Variants in ZNF500 observed in about 807,000 individuals in gnomAD.
ZNF500 encodes the protein zinc finger protein with KRAB and SCAN domains 18.
A neutral mutation model predicts 30.1 loss-of-function variants in ZNF500; 31 were observed. That is an observed-to-expected ratio of 1.03 (90% CI 0.77 to 1.39). ZNF500 has a LOEUF of 1.39. Among genes scored for constraint, ZNF500 ranks in the 40% most tolerant of loss-of-function variants. The pLI is 0.00. For synonymous variants in ZNF500, 392 were observed against 282.0 expected (o/e 1.39, Z -3.91); for missense variants, 817 against 657.8 (o/e 1.24, Z -2.65).
At chr16:4,744,939 A>T (rs754045501), downstream of ZNF500, 1 of 1,613,912 alleles carries the variant, frequency 6.2e-7, no homozygotes, top group African/African-American at 1.3e-5. Flanking sequence ...ACGCAGTCCA[A>T]GGCCTCTGCT....
At chr16:4,753,093 C>G (rs373019308) in intron 5 of ZNF500, 35 bp from the exon 6 acceptor site, 63 of 1,500,316 alleles carry the variant, frequency 4.2e-5, no homozygotes, top group East Asian at 1.4e-4. Context: ...TAGGAACTCA[C>G]AGCAAGAGGG....
In ZNF500 at chr16:4,760,522, C is replaced by A. The variant is rs369186490; in HGVS notation, c.730G>T (p.Ala244Ser). Residue 244 changes from alanine to serine, a missense_variant, in exon 5 of 6, where the codon GCT (alanine) becomes TCT (serine). Coordinates refer to ENST00000219478, the MANE Select transcript of ZNF500 (RefSeq NM_021646.4). The part of the protein sequence containing the change: ...SGEEPRCMDP[A>S]QRDAPLENEG... ...TTCTCCAGCGGCGCGTCCCGCTGAG[C>A]TGGGTCCATGCATCTTGGCTCCTCC... 1.2e-5 allele frequency: 19 copies of A among 1,613,736 alleles called. No homozygotes were observed. The highest frequency in any genetic ancestry group is 1.5e-5 in the Non-Finnish European group (18 of 1,179,872).
downstream of ZNF500, chr16:4,747,437 G>T: frequency 6.2e-7 from 1 of 1,613,108 alleles, no homozygotes; most frequent in African/African-American, 1.3e-5. Flanking sequence ...GGGGCCCGCG[G>T]GTGGGAGGGC....
chr16:4,764,958 G>A (rs2082247808), intron 2 of ZNF500, among the ~76,000 whole-genome samples: 2 of 152,130 alleles, frequency 1.3e-5, no homozygotes, highest in South Asian at 2.1e-4. Context: ...CACTTTGGGG[G>A]TAGTTTCAAC....
chr16:4,766,071 A>C lies in ZNF500; in HGVS notation c.-93T>G. On this transcript the variant is annotated 5_prime_UTR_variant, in exon 2 of 6. Transcript: ENST00000219478. ...CAGACACAGGAAGAGAGTTTTTTTC[A>C]GGGCCCTGTGGAGAGACGATAAAAC... is the stretch of plus-strand genomic sequence containing the variant. The C allele has an allele frequency of 7.0e-7, 1 of 1,434,134 alleles. No individual in the cohort carries two copies. Among genetic ancestry groups the C allele is most frequent in the Non-Finnish European group, 9.2e-7 (1 of 1,082,632 alleles). 88.8% of individuals were successfully genotyped at this position (1,434,134 alleles called of 1,614,324 possible).
At chr16:4,763,323 CG>C (rs2082228180) in intron 2 of ZNF500, among the ~76,000 whole-genome samples, 2 of 150,564 alleles carry the variant, frequency 1.3e-5, no homozygotes, top group African/African-American at 4.9e-5. Flanking sequence ...CGCTTGAACT[CG>C]GGAAGTACAG....
chr16:4,760,902 C>T (rs1416627861), intron 4 of ZNF500, among the ~76,000 whole-genome samples: 1 of 152,120 alleles, frequency 6.6e-6, no homozygotes, highest in Non-Finnish European at 1.5e-5. Flanking sequence ...CCCCTGGCTC[C>T]GTGGCTAGCC....
chr16:4,761,502 C>T (rs890206998), intron 4 of ZNF500, among the ~76,000 whole-genome samples: 7 of 149,036 alleles, frequency 4.7e-5, no homozygotes, highest in African/African-American at 1.5e-4. Context: ...CACACACACA[C>T]ACACACACAC....
In ZNF500 at chr16:4,752,834, C is replaced by T. The variant is rs767538954; in HGVS notation, c.985G>A (p.Glu329Lys). The T allele has an allele frequency of 1.2e-5, 20 of 1,614,114 alleles. No individual in the cohort carries two copies. Among genetic ancestry groups the T allele is most frequent in the African/African-American group, 6.7e-5 (5 of 74,958 alleles). Residue 329 changes from glutamate to lysine, a missense_variant, in exon 6 of 6, where the codon GAA (glutamate) becomes AAA (lysine). By Grantham distance (56) the Glu-to-Lys change is moderately conservative. Coordinates refer to ENST00000219478, the MANE Select transcript of ZNF500 (RefSeq NM_021646.4). The part of the protein sequence containing the change: ...HGADKPYTCP[E>K]CGKGFSKTSH... ...GTCTTGCTGAAGCCTTTGCCACATT[C>T]GGGGCAGGTGTACGGCTTGTCAGCC... is the stretch of plus-strand genomic sequence containing the variant.
chr16:4,758,258 T>C (rs1311566330), intron 5 of ZNF500: 1 of 152,006 alleles, frequency 6.6e-6, no homozygotes, highest in African/African-American at 2.4e-5. Flanking sequence ...ACAGACCTTT[T>C]TTACCATAGG....
At chr16:4,753,134 G>C in intron 5 of ZNF500, 76 bp from the exon 6 acceptor site, 2 of 1,480,672 alleles carry the variant, frequency 1.4e-6, no homozygotes, top group Non-Finnish European at 1.8e-6. Flanking sequence ...GGAAAATGAA[G>C]GCCTCACAGG....
rs765967536 is a variant in ZNF500 at position 4,752,533 on chromosome 16, C to T, written c.1286G>A (p.Arg429Gln). 6.4e-6 allele frequency: 10 copies of T among 1,564,054 alleles called. No homozygotes were observed. The highest frequency in any genetic ancestry group is 2.7e-5 in the African/African-American group (2 of 73,620). Residue 429 changes from arginine to glutamine, a missense_variant, in exon 6 of 6, where the codon CGG (arginine) becomes CAG (glutamine). Physicochemically the swap from Arg to Gln is conservative, Grantham distance 43. Coordinates refer to ENST00000219478, the MANE Select transcript of ZNF500 (RefSeq NM_021646.4). ...GTAGGGCTTCTCACCTGTGTGCGTCCGGCGGTGGGCGCTGAAGTGCGAGCT... is the reference window on the plus strand; with the variant it reads ...GTAGGGCTTCTCACCTGTGTGCGTCTGGCGGTGGGCGCTGAAGTGCGAGCT... The part of the protein sequence containing the change: ...NNSSHFSAHR[R>Q]THTGEKPYTC...
chr16:4,745,952 C>A (rs78397735), downstream of ZNF500, among the ~76,000 whole-genome samples: 1,493 of 112,684 alleles, frequency 0.013, no homozygotes, highest in Middle Eastern at 0.023. Flanking sequence ...GACTCTGTCT[C>A]AAAAAAAAAA....
At position 4,765,810 on chromosome 16, in the gene ZNF500, AGAAGAGCCG is replaced by A. The variant is rs751280358; in HGVS notation, c.160_168del (p.Arg54_Phe56del). On this transcript the variant is annotated inframe_deletion, in exon 2 of 6. Transcript: ENST00000219478. ...CGGGGCCCAGCCACCTCCTGGTAGC[AGAAGAGCCG>A]GAAGAGCTGGCGGAAAGTCTCAGGG... 7 of 1,613,356 alleles carry A rather than the reference AGAAGAGCCG, an allele frequency of 4.3e-6. No individual in the cohort carries two copies. Among genetic ancestry groups the A allele is most frequent in the Non-Finnish European group, 5.9e-6 (7 of 1,179,970 alleles).
At chr16:4,745,777 C>A (rs1363360906), downstream of ZNF500, among the ~76,000 whole-genome samples, 1 of 151,894 alleles carries the variant, frequency 6.6e-6, no homozygotes, top group Non-Finnish European at 1.5e-5. Context: ...ATGGTGAAAC[C>A]CCATCTCTAC....
In ZNF500 at chr16:4,762,999, C is replaced by T. The variant is rs1458771229; in HGVS notation, c.415-243G>A. ...CCCCATCACATTCTTACCCTCTATT[C>T]CTTGGTCCTCCTGATAGACCCTGGG... On this transcript the variant is annotated intron_variant, in intron 2 of 5. Coordinates refer to ENST00000219478, the MANE Select transcript of ZNF500 (RefSeq NM_021646.4). 3 of 985,316 alleles carry T rather than the reference C, an allele frequency of 3.0e-6. No homozygotes were observed. In the African/African-American group the frequency reaches 5.2e-5, roughly 17 times the overall value. The allele number at this position is 985,316 out of a possible 1,614,324, so 61.0% of individuals were successfully genotyped here.
chr16:4,752,262 G>A lies in ZNF500; in HGVS notation c.*114C>T. On this transcript the variant is annotated 3_prime_UTR_variant, in exon 6 of 6. Transcript: ENST00000219478. Reference sequence around the variant, plus strand: ...AATGTCCCCTGCTGGCCTCATACTGGGCCATGGGAGGAAACGGGCAGCTGG... The same window carrying A: ...AATGTCCCCTGCTGGCCTCATACTGAGCCATGGGAGGAAACGGGCAGCTGG... The A allele has an allele frequency of 2.8e-6, 4 of 1,429,862 alleles. No individual in the cohort carries two copies. Among genetic ancestry groups the A allele is most frequent in the Non-Finnish European group, 3.6e-6 (4 of 1,097,634 alleles). 88.6% of individuals were successfully genotyped at this position (1,429,862 alleles called of 1,614,324 possible).
downstream of ZNF500, chr16:4,746,100 G>A (rs2082014016): frequency 5.5e-6 from 2 of 365,314 alleles, no homozygotes; most frequent in Non-Finnish European, 9.9e-6. Context: ...ATTTAAACTG[G>A]CTTAAATGTA....
chr16:4,762,699 T>C lies in ZNF500; in HGVS notation c.472A>G (p.Lys158Glu). The C allele has an allele frequency of 1.2e-6, 2 of 1,613,946 alleles. No individual in the cohort carries two copies. The highest frequency in any genetic ancestry group is 1.7e-6 in the Non-Finnish European group (2 of 1,179,912). Residue 158 changes from lysine to glutamate, a missense_variant, in exon 3 of 6, where the codon AAA becomes GAA. Transcript: ENST00000219478. ...TCTGGCTGAGCCTCTGCCTGGTGTT[T>C]TAAGAACTGTCCCCCTATCCCGAGG... ...VPLGIGGQFL[K>E]HQAEAQPEDL...
Sources: allele counts gnomAD v4.1 joint callset (sites outside exome capture counted in the v4.1 genomes callset), GRCh38; gene constraint gnomAD v4.1.1; transcripts MANE v1.5; gene names NCBI Gene and HGNC (gene_info 2026-07-23, HGNC 2026-07-21).